The following CSTA variants were observed in gnomAD, a reference collection of about 807,000 sequenced individuals.
CSTA encodes cystatin-A.
CSTA carries 9 observed loss-of-function variants against 9.2 expected under a neutral mutation model. That is an observed-to-expected ratio of 0.97 (90% CI 0.59 to 1.70). The LOEUF (loss-of-function observed/expected upper bound fraction) is 1.70, where lower values mean the gene tolerates loss of function less well. Ranked by LOEUF, CSTA falls within the 40% of genes most tolerant of loss-of-function variation. The pLI is 0.00. For synonymous variants in CSTA, 36 were observed against 40.6 expected, an observed-to-expected ratio of 0.89 and a Z score of 0.43; for missense variants, 118 against 113.1, an observed-to-expected ratio of 1.04 and a Z score of -0.20.
Position 122,325,318 on chromosome 3 carries a change from C to A in CSTA, c.26C>A (p.Ala9Asp). The A allele has an allele frequency of 6.2e-7, 1 of 1,613,694 alleles. No homozygotes were observed. Among genetic ancestry groups the A allele is most frequent in the African/African-American group, 1.3e-5 (1 of 75,022 alleles). MIPGGLSE[A>D]KPATPEIQEI... ...ATGATACCTGGAGGCTTATCTGAGG[C>A]CAAACCCGCCACTCCAGAAATCCAG... The change falls in exon 1 of 3, where the codon GCC becomes GAC. Residue 9 changes from alanine (A) to aspartate (D), a missense_variant. Physicochemically the swap from Ala to Asp is moderately radical, Grantham distance 126. Transcript: ENST00000264474.
intron 1 of CSTA, among the ~76,000 whole-genome samples, chr3:122,328,913 C>A: frequency 6.6e-6 from 1 of 151,052 alleles, no homozygotes; most frequent in Non-Finnish European, 1.5e-5. Flanking sequence ...TGCACTCCAG[C>A]CTGGATGACA....
At chr3:122,326,305 A>G (rs891260470) in intron 1 of CSTA, among the ~76,000 whole-genome samples, 1 of 152,194 alleles carries the variant, frequency 6.6e-6, no homozygotes, top group Non-Finnish European at 1.5e-5. Flanking sequence ...TATTGGGATT[A>G]CAGGCGTGAG....
chr3:122,341,792 T>C lies in CSTA; in HGVS notation c.*225T>C, dbSNP rs2075267369. The C allele has an allele frequency of 1.9e-6, 1 of 537,850 alleles. No homozygotes were observed. The highest frequency in any genetic ancestry group is 2.0e-5 in the South Asian group (1 of 48,796). 33.3% of individuals were successfully genotyped at this position (537,850 alleles called of 1,614,324 possible). ...AAATTGATGGCAATTGGAAATCTTA[T>C]AAAAACTAGTCAAGCCTAATGCAAC... On this transcript the variant is annotated 3_prime_UTR_variant, in exon 3 of 3. Transcript: ENST00000264474.
chr3:122,334,101 C>T (rs1364417858), intron 1 of CSTA, among the ~76,000 whole-genome samples: 1 of 152,186 alleles, frequency 6.6e-6, no homozygotes, highest in Non-Finnish European at 1.5e-5. Context: ...TCTGTGCATC[C>T]TTTCTCCGCT....
chr3:122,333,700 A>G (rs1177752165), intron 1 of CSTA, among the ~76,000 whole-genome samples: 3 of 135,578 alleles, frequency 2.2e-5, no homozygotes, highest in African/African-American at 8.4e-5. Context: ...GAGAGAGAGA[A>G]AGAAAGAAAA....
rs372582667 is a variant in CSTA, at chr3:122,336,165, G to A, written c.67-1382G>A. On this transcript the variant is annotated intron_variant, in intron 1 of 2. Transcript: ENST00000264474. ...GAAGCAATGACATTTAGTAACAAGA[G>A]ACACAGCACCCAAATCTTGGGTCTT... is the stretch of plus-strand genomic sequence containing the variant. Among the ~76,000 whole-genome samples, 7 of 152,228 alleles carry A rather than the reference G, an allele frequency of 4.6e-5. 1 individual carries two copies. Among genetic ancestry groups the A allele is most frequent in the East Asian group, 3.9e-4 (2 of 5,186 alleles).
chr3:122,341,396 G>A (rs1256193198), intron 2 of CSTA, 43 bp from the exon 3 acceptor site: 12 of 1,609,824 alleles, frequency 7.5e-6, no homozygotes, highest in Non-Finnish European at 1.0e-5. Flanking sequence ...AGACCCATTT[G>A]AATGAATCTC....
intron 2 of CSTA, among the ~76,000 whole-genome samples, chr3:122,339,611 G>T (rs1019535458): frequency 6.6e-6 from 1 of 152,174 alleles, no homozygotes; most frequent in African/African-American, 2.4e-5. Context: ...CGAACACTTT[G>T]GGAGGCCAAG....
At position 122,337,714 on chromosome 3, in the gene CSTA, G is replaced by C. The variant is rs556729585; in HGVS notation, c.168+66G>C. 287 of 1,047,924 alleles carry C rather than the reference G, an allele frequency of 2.7e-4. 2 individuals carry two copies. In the Middle Eastern group the frequency reaches 2.8e-3, roughly 10 times the overall value. 64.9% of individuals were successfully genotyped at this position (1,047,924 alleles called of 1,614,324 possible). Reference sequence around the variant, plus strand: ...TCTCATTTTATGTAAAATATTCCCTGATTTCCCTACCACATAATTCCTTCC... The same window carrying C: ...TCTCATTTTATGTAAAATATTCCCTCATTTCCCTACCACATAATTCCTTCC... On this transcript the variant is annotated intron_variant, in intron 2 of 2. Coordinates refer to ENST00000264474, the MANE Select transcript of CSTA (RefSeq NM_005213.4).
At position 122,325,256 on chromosome 3, in the gene CSTA, T is replaced by A; in HGVS notation, c.-37T>A. ...TCCACACTTCCCTGTTCACTTTGGT[T>A]CCAGCATCCTGTCCAGCAAAGAAGC... On this transcript the variant is annotated 5_prime_UTR_variant, in exon 1 of 3. Transcript: ENST00000264474. 6.2e-7 allele frequency: 1 copy of A among 1,608,380 alleles called. No homozygotes were observed. Among genetic ancestry groups the A allele is most frequent in the Non-Finnish European group, 8.5e-7 (1 of 1,175,054 alleles).
At chr3:122,339,101 AT>A (rs1372127904) in intron 2 of CSTA, among the ~76,000 whole-genome samples, 3 of 152,068 alleles carry the variant, frequency 2.0e-5, no homozygotes, top group Non-Finnish European at 4.4e-5. Flanking sequence ...GACCTTCTCT[AT>A]GTATTTCAAG....
rs1576221472 is a variant in CSTA, at chr3:122,341,782, G to A, written c.*215G>A. 1 of 574,814 alleles carries A rather than the reference G, an allele frequency of 1.7e-6. No homozygotes were observed. Among genetic ancestry groups the A allele is most frequent in the East Asian group, 3.4e-5 (1 of 29,218 alleles). 35.6% of individuals were successfully genotyped at this position (574,814 alleles called of 1,614,324 possible). On this transcript the variant is annotated 3_prime_UTR_variant, in exon 3 of 3. Coordinates refer to ENST00000264474, the MANE Select transcript of CSTA (RefSeq NM_005213.4). ...AACTCCATATAAATTGATGGCAATT[G>A]GAAATCTTATAAAAACTAGTCAAGC...
chr3:122,327,127 A>T (rs2075175317), intron 1 of CSTA, among the ~76,000 whole-genome samples: 1 of 151,688 alleles, frequency 6.6e-6, no homozygotes, highest in Admixed American at 6.6e-5. Context: ...AATCCCAACT[A>T]CTCAGGAGGC....
intron 1 of CSTA, among the ~76,000 whole-genome samples, chr3:122,333,507 T>G (rs73186060): frequency 0.14 from 17,899 of 128,628 alleles, 1,366 homozygotes; most frequent in Middle Eastern, 0.32. Flanking sequence ...CAAGACTCCA[T>G]GAAAGAGAGA....
chr3:122,337,866 G>GAT (rs1185671221), intron 2 of CSTA: 5 of 545,656 alleles, frequency 9.2e-6, no homozygotes, highest in Non-Finnish European at 1.3e-5. Context: ...ATTGATTCTT[G>GAT]ATTTCTGGAA....
chr3:122,328,876 G>T (rs1322491597), intron 1 of CSTA, among the ~76,000 whole-genome samples: 1 of 151,748 alleles, frequency 6.6e-6, no homozygotes, highest in Non-Finnish European at 1.5e-5. Flanking sequence ...AGGAGGTGGA[G>T]GTTGGAGTGA....
chr3:122,325,263 T>G lies in CSTA; in HGVS notation c.-30T>G, dbSNP rs1466299592. On this transcript the variant is annotated 5_prime_UTR_variant, in exon 1 of 3. Coordinates refer to ENST00000264474, the MANE Select transcript of CSTA (RefSeq NM_005213.4). ...TTCCCTGTTCACTTTGGTTCCAGCA[T>G]CCTGTCCAGCAAAGAAGCAATCAGC... is the stretch of plus-strand genomic sequence containing the variant. 1.9e-6 allele frequency: 3 copies of G among 1,611,530 alleles called. No homozygotes were observed. Among genetic ancestry groups the G allele is most frequent in the Non-Finnish European group, 2.5e-6 (3 of 1,178,030 alleles).
intron 1 of CSTA, 31 bp from the exon 2 acceptor site, chr3:122,337,516 G>A: frequency 1.3e-6 from 2 of 1,482,936 alleles, no homozygotes; most frequent in Non-Finnish European, 9.4e-7. Flanking sequence ...ATATAGCTTT[G>A]ATTATTTGTT....
chr3:122,337,923 G>A (rs1013009282), intron 2 of CSTA: 2 of 403,668 alleles, frequency 5.0e-6, no homozygotes, highest in African/African-American at 4.1e-5. Context: ...TGCTGGATTT[G>A]TGGCTGTGCT....
Sources: allele counts gnomAD v4.1 joint callset (sites outside exome capture counted in the v4.1 genomes callset), GRCh38; gene constraint gnomAD v4.1.1; transcripts MANE v1.5; gene names NCBI Gene and HGNC (gene_info 2026-07-23, HGNC 2026-07-21).